ZEB2: variants seen among roughly 807,000 people sequenced by gnomAD.
The protein encoded by ZEB2 is zinc finger E-box-binding homeobox 2.
In ZEB2, 6 loss-of-function variants were observed where a neutral mutation model predicts 99.9. That is an observed-to-expected ratio of 0.06 (90% CI 0.03 to 0.12). ZEB2 has a LOEUF of 0.12. ZEB2 is among the 10% of genes least tolerant of loss of function. The pLI is 1.00. For missense variants in ZEB2, 969 were observed against 1,502.8 expected (o/e 0.64, Z 5.87); for synonymous variants, 517 against 542.5 (o/e 0.95, Z 0.65).
intron 2 of ZEB2, chr2:144,514,036 A>C: frequency 2.7e-5 from 20 of 733,926 alleles, no homozygotes; most frequent in East Asian, 1.0e-4. Flanking sequence ...AAGAGATTTC[A>C]TCCTTTCCAT....
chr2:144,403,873 A>G, intron 6 of ZEB2, 43 bp downstream of exon 6: 1 of 1,609,920 alleles, frequency 6.2e-7, no homozygotes, highest in East Asian at 2.2e-5. Context: ...CGTTTCTCTA[A>G]GGGGTTATTA....
At chr2:144,410,372 T>A (rs1362855695) in intron 4 of ZEB2, among the ~76,000 whole-genome samples, 1 of 152,246 alleles carries the variant, frequency 6.6e-6, no homozygotes, top group Non-Finnish European at 1.5e-5. Flanking sequence ...ATGACACTTT[T>A]ATAGATATCT....
chr2:144,436,775 T>C (rs1703845074), intron 2 of ZEB2, among the ~76,000 whole-genome samples: 2 of 152,146 alleles, frequency 1.3e-5, no homozygotes, highest in African/African-American at 2.4e-5. Flanking sequence ...ATCAAAAATA[T>C]AAACATAATG....
intron 2 of ZEB2, among the ~76,000 whole-genome samples, chr2:144,449,987 T>C (rs984700050): frequency 2.0e-4 from 31 of 152,196 alleles, no homozygotes; most frequent in African/African-American, 6.8e-4. Context: ...CTATTTTAGA[T>C]GGCGTGTAAT....
intron 2 of ZEB2, among the ~76,000 whole-genome samples, chr2:144,503,341 A>G (rs547695308): frequency 1.4e-4 from 21 of 152,354 alleles, no homozygotes; most frequent in Non-Finnish European, 3.1e-4. Context: ...TGACAAGGCC[A>G]ATATGCACAT....
At chr2:144,502,936 A>T (rs1236249866) in intron 2 of ZEB2, among the ~76,000 whole-genome samples, 1 of 151,760 alleles carries the variant, frequency 6.6e-6, no homozygotes, top group Admixed American at 6.6e-5. Context: ...ATATCTCTTT[A>T]ATAATTTGTC....
rs370893514 is a variant in ZEB2 at position 144,419,623 on chromosome 2, A to T, written c.403+5173T>A. Among the ~76,000 whole-genome samples, 8 of 152,258 alleles carry T rather than the reference A, an allele frequency of 5.3e-5. No homozygotes were observed. The East Asian group carries it at 1.4e-3, about 26-fold the overall frequency. On this transcript the variant is annotated intron_variant, in intron 4 of 9. Transcript: ENST00000627532. ...GTGTATAATGCTTCCAAGTTTTTCCATTTCTCTACTCTTCTTAGAAAATGG... is the reference window on the plus strand; with the variant it reads ...GTGTATAATGCTTCCAAGTTTTTCCTTTTCTCTACTCTTCTTAGAAAATGG...
intron 4 of ZEB2, among the ~76,000 whole-genome samples, chr2:144,412,344 G>A (rs1267984211): frequency 6.6e-6 from 1 of 152,148 alleles, no homozygotes; most frequent in Non-Finnish European, 1.5e-5. Context: ...CTAAAAATTT[G>A]GAATTGGCAT....
chr2:144,411,954 A>G (rs1703470104), intron 4 of ZEB2, among the ~76,000 whole-genome samples: 1 of 152,226 alleles, frequency 6.6e-6, no homozygotes, highest in Non-Finnish European at 1.5e-5. Flanking sequence ...ACAGAATGAT[A>G]GAGTCCATTA....
chr2:144,474,196 C>T (rs1477901301), intron 2 of ZEB2, among the ~76,000 whole-genome samples: 2 of 152,148 alleles, frequency 1.3e-5, no homozygotes, highest in Non-Finnish European at 2.9e-5. Context: ...AGATGGATGG[C>T]CTCACATAGG....
chr2:144,506,908 T>C (rs1032065689), intron 2 of ZEB2, among the ~76,000 whole-genome samples: 6 of 152,142 alleles, frequency 3.9e-5, no homozygotes, highest in African/African-American at 1.4e-4. Context: ...TAAAGAGAAA[T>C]CCATTACAGT....
intron 4 of ZEB2, chr2:144,424,205 A>AT: frequency 2.9e-6 from 1 of 349,598 alleles, no homozygotes; most frequent in Non-Finnish European, 5.6e-6. Flanking sequence ...TCCCACTGTA[A>AT]TTTTTTAGCT....
At chr2:144,429,140 A>G (rs944355798) in intron 3 of ZEB2, 1 of 152,480 alleles carries the variant, frequency 6.6e-6, no homozygotes, top group Non-Finnish European at 1.5e-5. Flanking sequence ...TAGTTTTATT[A>G]TAGTTGGCCT....
intron 2 of ZEB2, among the ~76,000 whole-genome samples, chr2:144,477,502 G>T (rs903758249): frequency 6.6e-6 from 1 of 152,124 alleles, no homozygotes; most frequent in African/African-American, 2.4e-5. Context: ...TCAAAGCCAC[G>T]AAGTTGGAAA....
intron 2 of ZEB2, chr2:144,449,576 T>C (rs1471444920): frequency 1.3e-5 from 2 of 152,178 alleles, no homozygotes; most frequent in Non-Finnish European, 2.9e-5. Context: ...TAAGACCCCG[T>C]CAGATTCAGT....
chr2:144,396,746 C>G (rs769349735), intron 8 of ZEB2, among the ~76,000 whole-genome samples, 154 bp from the exon 9 acceptor site: 2 of 151,678 alleles, frequency 1.3e-5, no homozygotes, highest in African/African-American at 2.4e-5. Context: ...TATGAGGTCT[C>G]AATATGCAGT....
chr2:144,499,516 C>T (rs1009849346), intron 2 of ZEB2, among the ~76,000 whole-genome samples: 10 of 152,260 alleles, frequency 6.6e-5, no homozygotes, highest in African/African-American at 2.2e-4. Flanking sequence ...CATTGAAAAA[C>T]AGTTAATTTC....
At position 144,384,755 on chromosome 2, in the gene ZEB2, T is replaced by C. The variant is rs1703058399; in HGVS notation, c.*4696A>G. ...AGATTTAAACAGCCAACATCACAAATGTCTCAAGTTCTAAAAAAAAATCAC... is the reference window on the plus strand; with the variant it reads ...AGATTTAAACAGCCAACATCACAAACGTCTCAAGTTCTAAAAAAAAATCAC... On this transcript the variant is annotated 3_prime_UTR_variant, in exon 10 of 10. Transcript: ENST00000627532. 6.6e-6 allele frequency: 1 copy of C among 152,062 alleles called. No homozygotes were observed. The highest frequency in any genetic ancestry group is 1.5e-5 in the Non-Finnish European group (1 of 67,992). 9.4% of individuals were successfully genotyped at this position (152,062 alleles called of 1,614,324 possible).
At chr2:144,512,812 C>G in intron 2 of ZEB2, 1 of 1,286,946 alleles carries the variant, frequency 7.8e-7, no homozygotes, top group Non-Finnish European at 1.0e-6. Flanking sequence ...TGCAGCGTGA[C>G]AAAACTTGCA....
Sources: allele counts gnomAD v4.1 joint callset (sites outside exome capture counted in the v4.1 genomes callset), GRCh38; gene constraint gnomAD v4.1.1; transcripts MANE v1.5; gene names NCBI Gene and HGNC (gene_info 2026-07-23, HGNC 2026-07-21).